Variants in IGSF3 observed in about 807,000 individuals in gnomAD.
IGSF3 encodes immunoglobulin superfamily member 3, also known as glu-Trp-Ile EWI motif-containing protein 3.
In IGSF3, 23 loss-of-function variants were observed where a neutral mutation model predicts 114.4. That is an observed-to-expected ratio of 0.20 (90% CI 0.14 to 0.28). The LOEUF (loss-of-function observed/expected upper bound fraction) is 0.28, where lower values mean the gene tolerates loss of function less well. Ranked by LOEUF, IGSF3 falls within the 10% of genes least tolerant of loss-of-function variation. IGSF3 has a pLI of 1.00. For missense variants in IGSF3, 1,172 were observed against 1,591.5 expected (o/e 0.74, Z 4.48); for synonymous variants, 571 against 645.2 (o/e 0.88, Z 1.74).
intron 2 of IGSF3, among the ~76,000 whole-genome samples, chr1:116,637,849 A>G (rs1647908273): frequency 6.6e-6 from 1 of 152,160 alleles, no homozygotes; most frequent in South Asian, 2.1e-4. Flanking sequence ...GATGAGTGTG[A>G]CCTCTACTTT....
rs1660183176 is a variant in IGSF3, at chr1:116,592,952, GAGA to G, written c.2030-3851_2030-3849del. On this transcript the variant is annotated intron_variant, in intron 7 of 10. Transcript: ENST00000369486. This position sits in a 1 kb window ranked among gnomAD's most constrained non-coding sequence, Gnocchi z 4.5. Reference sequence around the variant, plus strand: ...TGAGCTAGGCCCTGAGAAACAAGCAGAGAAGGAGAATCAAAGGGCACGCCAGAG... The same window carrying G: ...TGAGCTAGGCCCTGAGAAACAAGCAGAGGAGAATCAAAGGGCACGCCAGAG... Among the ~76,000 whole-genome samples the G allele has an allele frequency of 6.6e-6, 1 of 152,178 alleles. No individual in the cohort carries two copies. Among genetic ancestry groups the G allele is most frequent in the African/African-American group, 2.4e-5 (1 of 41,446 alleles).
rs756185463 is a variant in IGSF3 at position 116,616,419 on chromosome 1, C to T, written c.82G>A (p.Gly28Arg). 1 of 1,605,370 alleles carries T rather than the reference C, an allele frequency of 6.2e-7. No homozygotes were observed. The highest frequency in any genetic ancestry group is 8.5e-7 in the Non-Finnish European group (1 of 1,174,506). ...GAGCCCTCCGTGCGGTACAAGGGTCCTTCCTGAACGGTGACCTGCCGCTGT... is the reference window on the plus strand; with the variant it reads ...GAGCCCTCCGTGCGGTACAAGGGTCTTTCCTGAACGGTGACCTGCCGCTGT... ...SAQRQVTVQE[G>R]PLYRTEGSHI... The change falls in exon 3 of 11, where the codon GGA becomes AGA. Residue 28 changes from glycine (G) to arginine (R), a missense_variant. Gly to Arg is a moderately radical substitution (Grantham distance 125). Around this residue, in one of 3 missense-constraint regions of IGSF3, gnomAD observed 736 missense variants for 1,042.0 expected, o/e 0.71. Coordinates refer to ENST00000369486, the MANE Select transcript of IGSF3 (RefSeq NM_001007237.3). The surrounding 1 kb of genome is among the most constrained non-coding windows in gnomAD (Gnocchi z 6.6).
At chr1:116,602,374 A>C (rs1660628775) in intron 6 of IGSF3, among the ~76,000 whole-genome samples, 2 of 151,680 alleles carry the variant, frequency 1.3e-5, no homozygotes, top group South Asian at 2.1e-4. Flanking sequence ...AAAAAAAAAA[A>C]AACACACCAG....
At chr1:116,581,320 CTTTTTTTTTTTT>C (rs955415319) in intron 9 of IGSF3, among the ~76,000 whole-genome samples, 8 of 70,600 alleles carry the variant, frequency 1.1e-4, no homozygotes, top group South Asian at 5.6e-4. Flanking sequence ...GTTTTGCTGT[CTTTTTTTTTTTT>C]TTTTTTTTTT....
chr1:116,620,820 A>G (rs1661392272), intron 2 of IGSF3, among the ~76,000 whole-genome samples: 1 of 152,214 alleles, frequency 6.6e-6, no homozygotes, highest in Non-Finnish European at 1.5e-5. Flanking sequence ...AGCTCACTGC[A>G]GCCTTGACCT....
chr1:116,589,325 C>G lies in IGSF3; in HGVS notation c.2030-221G>C, dbSNP rs548989459. 1.2e-4 allele frequency among the ~76,000 whole-genome samples: 19 copies of G among 152,222 alleles called. No individual in the cohort carries two copies. The South Asian group carries it at 3.7e-3, about 30-fold the overall frequency. On this transcript the variant is annotated intron_variant, in intron 7 of 10. Transcript: ENST00000369486. This position sits in a 1 kb window ranked among gnomAD's most constrained non-coding sequence, Gnocchi z 5.7. ...CTGGCTTAGGCCTTCACCATCTCTCCCCTATCCACTGCCTGCACAGCCCAC... is the reference window on the plus strand; with the variant it reads ...CTGGCTTAGGCCTTCACCATCTCTCGCCTATCCACTGCCTGCACAGCCCAC...
intron 2 of IGSF3, among the ~76,000 whole-genome samples, chr1:116,641,576 T>C (rs1249026386): frequency 4.0e-5 from 5 of 126,474 alleles, no homozygotes; most frequent in Non-Finnish European, 8.5e-5. Context: ...GAAAGAAAAT[T>C]AAAAGAAGGA....
At chr1:116,652,847 C>T (rs750248328) in intron 2 of IGSF3, among the ~76,000 whole-genome samples, 1 of 152,240 alleles carries the variant, frequency 6.6e-6, no homozygotes, top group Non-Finnish European at 1.5e-5. Context: ...ACTGCATAAA[C>T]ATCAATGAGC....
Position 116,584,754 on chromosome 1 carries a change from G to A in IGSF3, c.2739C>T (p.Ser913=), listed in dbSNP as rs537815577. 107 of 1,614,062 alleles carry A rather than the reference G, an allele frequency of 6.6e-5. No individual in the cohort carries two copies. The highest frequency in any genetic ancestry group is 3.5e-4 in the South Asian group (32 of 91,086). Residue 913 remains serine (S), a synonymous_variant, in exon 9 of 11, where the codon AGC becomes AGT. Transcript: ENST00000369486. This position sits in a 1 kb window ranked among gnomAD's most constrained non-coding sequence, Gnocchi z 5.8. ...LFIQNVAVQD[S]GTYSCHVEEW... ...CCTCCACATGGCAGCTGTAGGTCCCGCTGTCCTGCACAGCCACGTTCTGGA... is the reference window on the plus strand; with the variant it reads ...CCTCCACATGGCAGCTGTAGGTCCCACTGTCCTGCACAGCCACGTTCTGGA...
intron 10 of IGSF3, among the ~76,000 whole-genome samples, chr1:116,578,267 G>A (rs770706540): frequency 6.6e-6 from 1 of 152,166 alleles, no homozygotes; most frequent in Non-Finnish European, 1.5e-5. Flanking sequence ...CTCTGTGCTC[G>A]ATGAAGCTTA....
chr1:116,656,293 C>CTTTT (rs56148691), intron 2 of IGSF3, among the ~76,000 whole-genome samples: 8 of 62,438 alleles, frequency 1.3e-4, no homozygotes, highest in East Asian at 4.3e-4. Context: ...TTTCTACATT[C>CTTTT]TTTTTTTTTT....
In IGSF3 at chr1:116,596,840, C is replaced by T. The variant is rs181096807; in HGVS notation, c.2029+3101G>A. 2.3e-4 allele frequency among the ~76,000 whole-genome samples: 35 copies of T among 152,296 alleles called. No homozygotes were observed. The highest frequency in any genetic ancestry group is 7.0e-4 in the African/African-American group (29 of 41,556). ...TCCTCATCTGTGAAGTTGGGTAAAA[C>T]GGTCCCCCTCACAGCACTGCATGGA... On this transcript the variant is annotated intron_variant, in intron 7 of 10. Coordinates refer to ENST00000369486, the MANE Select transcript of IGSF3 (RefSeq NM_001007237.3). This position sits in a 1 kb window ranked among gnomAD's most constrained non-coding sequence, Gnocchi z 4.1.
At chr1:116,666,242 T>A in intron 2 of IGSF3, 42 bp downstream of exon 2, 10 of 1,586,084 alleles carry the variant, frequency 6.3e-6, no homozygotes, top group Non-Finnish European at 8.7e-6. Context: ...AAGAGCAGGT[T>A]AAACTTTCAC....
intron 2 of IGSF3, among the ~76,000 whole-genome samples, chr1:116,635,306 C>T (rs1647776565): frequency 6.6e-6 from 1 of 152,248 alleles, no homozygotes; most frequent in African/African-American, 2.4e-5. Flanking sequence ...ACGGTCCACA[C>T]TGTCTATTCC....
chr1:116,653,122 T>C (rs563743243), intron 2 of IGSF3, among the ~76,000 whole-genome samples: 2 of 152,334 alleles, frequency 1.3e-5, no homozygotes, highest in South Asian at 2.1e-4. Flanking sequence ...AGGATGATCA[T>C]GGGCTAGGGA....
Position 116,607,798 on chromosome 1 carries a change from T to A in IGSF3, c.1222+144A>T. 1 of 782,666 alleles carries A rather than the reference T, an allele frequency of 1.3e-6. No individual in the cohort carries two copies. Among genetic ancestry groups the A allele is most frequent in the Non-Finnish European group, 2.1e-6 (1 of 470,710 alleles). 48.5% of individuals were successfully genotyped at this position (782,666 alleles called of 1,614,324 possible). A position where few individuals can be genotyped will look rare whatever the true frequency, so the allele number is the denominator to read the frequency against. ...GTGGGCTACAACAGGGAAGAGAGGC[T>A]CAATGGTTTTTCCCCCAGCTCTGCA... On this transcript the variant is annotated intron_variant, in intron 5 of 10. Coordinates refer to ENST00000369486, the MANE Select transcript of IGSF3 (RefSeq NM_001007237.3). The surrounding 1 kb of genome is among the most constrained non-coding windows in gnomAD (Gnocchi z 6.1).
At chr1:116,631,145 C>T (rs1354574434) in intron 2 of IGSF3, among the ~76,000 whole-genome samples, 2 of 151,508 alleles carry the variant, frequency 1.3e-5, no homozygotes, top group South Asian at 2.1e-4. Context: ...AGTGAAACCC[C>T]GTCTCTACTA....
At chr1:116,581,155 G>A (rs1056139836) in intron 9 of IGSF3, among the ~76,000 whole-genome samples, 2 of 151,948 alleles carry the variant, frequency 1.3e-5, no homozygotes, top group African/African-American at 4.8e-5. Context: ...GATAACAGAC[G>A]ACAAGGCTGA....
rs537983426 is a variant in IGSF3 at position 116,582,686 on chromosome 1, C to T, written c.2848+1959G>A. Among the ~76,000 whole-genome samples, 12 of 152,032 alleles carry T rather than the reference C, an allele frequency of 7.9e-5. No individual in the cohort carries two copies. Among genetic ancestry groups the T allele is most frequent in the South Asian group, 4.1e-4 (2 of 4,820 alleles). On this transcript the variant is annotated intron_variant, in intron 9 of 10. Transcript: ENST00000369486. This position sits in a 1 kb window ranked among gnomAD's most constrained non-coding sequence, Gnocchi z 4.7. ...AAATGCTTTCACAGACATGGGAAAACGCTCATAAAAGAAAGTTGAGTGGGA... is the reference window on the plus strand; with the variant it reads ...AAATGCTTTCACAGACATGGGAAAATGCTCATAAAAGAAAGTTGAGTGGGA...
Sources: gnomAD v4.1 joint callset for allele counts (sites outside exome capture counted in the v4.1 genomes callset) on GRCh38, gnomAD v4.1.1 for gene constraint, gnomAD v4.1.1 regional missense constraint, Gnocchi (gnomAD v3.1) non-coding constraint, MANE v1.5 for transcripts, NCBI Gene and HGNC (gene_info 2026-07-23, HGNC 2026-07-21) for gene names.